Variants in TBC1D5 observed in about 807,000 individuals in gnomAD.
The protein encoded by TBC1D5 is TBC1 domain family, member 5.
In TBC1D5, 75 loss-of-function variants were observed where a neutral mutation model predicts 100.3. That is an observed-to-expected ratio of 0.75 (90% CI 0.62 to 0.91). TBC1D5 has a LOEUF of 0.91. Among genes scored for constraint, TBC1D5 ranks in the 40% least tolerant of loss-of-function variants. The probability of loss-of-function intolerance (pLI) is 0.00; values close to 1 mark genes in which losing one functional copy is unlikely to be tolerated. For missense variants in TBC1D5, 910 were observed against 942.4 expected (o/e 0.97, Z 0.45); for synonymous variants, 323 against 325.6 (o/e 0.99, Z 0.09).
intron 13 of TBC1D5, among the ~76,000 whole-genome samples, chr3:17,311,433 C>T (rs2084019778): frequency 6.6e-6 from 1 of 151,916 alleles, no homozygotes; most frequent in Admixed American, 6.6e-5. Context: ...AAAGACAGGA[C>T]AAGTCTCTAT....
In TBC1D5 at chr3:17,487,870, AAGTAC is replaced by A. The variant is rs1314246081; in HGVS notation, c.97+20599_97+20603del. Among the ~76,000 whole-genome samples the A allele has an allele frequency of 4.6e-5, 7 of 152,268 alleles. No individual in the cohort carries two copies. In the South Asian group the frequency reaches 1.0e-3, roughly 23 times the overall value. ...TTGAGCTTACAGAAAAACTGAACAA[AAGTAC>A]AGTAAAGAGAGTTCATACCTACTCT... On this transcript the variant is annotated intron_variant, in intron 3 of 21. Transcript: ENST00000253692.
intron 1 of TBC1D5, chr3:17,706,197 G>A (rs999920839): frequency 1.8e-4 from 279 of 1,552,776 alleles, no homozygotes; most frequent in Non-Finnish European, 2.2e-4. Context: ...CCTCTTCTCC[G>A]GCATCGCGGC....
chr3:17,675,480 G>A (rs907352387), intron 1 of TBC1D5, among the ~76,000 whole-genome samples: 13 of 152,056 alleles, frequency 8.5e-5, no homozygotes, highest in African/African-American at 2.9e-4. Flanking sequence ...GAAAAGATAC[G>A]TTCCTAAAGT....
chr3:17,509,023 T>C (rs1228758178), intron 2 of TBC1D5, among the ~76,000 whole-genome samples: 3 of 152,170 alleles, frequency 2.0e-5, no homozygotes, highest in Non-Finnish European at 4.4e-5. Context: ...AATATTAGTG[T>C]TAACATTTCA....
intron 2 of TBC1D5, among the ~76,000 whole-genome samples, chr3:17,617,354 A>AT (rs1196719335): frequency 6.6e-6 from 1 of 152,130 alleles, no homozygotes; most frequent in Non-Finnish European, 1.5e-5. Context: ...TCTGACAATT[A>AT]TATGTCTTGG....
At chr3:17,620,623 T>C (rs1234034092) in intron 2 of TBC1D5, among the ~76,000 whole-genome samples, 1 of 152,198 alleles carries the variant, frequency 6.6e-6, no homozygotes, top group Non-Finnish European at 1.5e-5. Flanking sequence ...GTTATCTTTA[T>C]AAAAATAAGT....
At position 17,595,374 on chromosome 3, in the gene TBC1D5, T is replaced by C. The variant is rs547202459; in HGVS notation, c.-36+28475A>G. Among the ~76,000 whole-genome samples the C allele has an allele frequency of 2.0e-5, 3 of 152,310 alleles. No homozygotes were observed. In the East Asian group the frequency reaches 5.8e-4, roughly 29 times the overall value. ...CATTCTCTTCCCAAAGGAAAATCTCTTCACACATCCAATAACTTCCTAGTT... is the reference window on the plus strand; with the variant it reads ...CATTCTCTTCCCAAAGGAAAATCTCCTCACACATCCAATAACTTCCTAGTT... On this transcript the variant is annotated intron_variant, in intron 2 of 21. Transcript: ENST00000253692.
At chr3:17,492,323 T>C (rs1024781018) in intron 3 of TBC1D5, among the ~76,000 whole-genome samples, 1 of 152,204 alleles carries the variant, frequency 6.6e-6, no homozygotes, top group Non-Finnish European at 1.5e-5. Context: ...GCATTCATTC[T>C]GGTAGCTTTG....
intron 3 of TBC1D5, among the ~76,000 whole-genome samples, chr3:17,431,502 AAAAT>A (rs1255439597): frequency 1.3e-5 from 2 of 152,022 alleles, no homozygotes; most frequent in East Asian, 1.9e-4. Context: ...TGAATTATAT[AAAAT>A]AAATAACATA....
intron 2 of TBC1D5, among the ~76,000 whole-genome samples, chr3:17,527,324 G>A (rs970959087): frequency 2.0e-5 from 3 of 152,250 alleles, no homozygotes; most frequent in Admixed American, 6.5e-5. Context: ...AGCATGCTGC[G>A]AACAGCAAAT....
At chr3:17,302,459 C>T (rs2082950056) in intron 14 of TBC1D5, among the ~76,000 whole-genome samples, 2 of 151,974 alleles carry the variant, frequency 1.3e-5, no homozygotes, top group Admixed American at 1.3e-4. Context: ...GTTAGGACTT[C>T]AATATATCTT....
intron 16 of TBC1D5, among the ~76,000 whole-genome samples, chr3:17,241,018 G>C (rs186815769): frequency 3.3e-5 from 5 of 152,022 alleles, no homozygotes; most frequent in Non-Finnish European, 5.9e-5. Context: ...ACATTTTTTT[G>C]TGTGTTTTTA....
intron 1 of TBC1D5, among the ~76,000 whole-genome samples, chr3:17,737,574 A>T (rs993656465): frequency 6.6e-6 from 1 of 152,186 alleles, no homozygotes; most frequent in Non-Finnish European, 1.5e-5. Flanking sequence ...GGCTAACCTA[A>T]CATACTGTGA....
intron 3 of TBC1D5, among the ~76,000 whole-genome samples, chr3:17,435,550 A>G (rs1455565270): frequency 2.0e-5 from 3 of 152,230 alleles, no homozygotes; most frequent in East Asian, 1.9e-4. Flanking sequence ...GAGAACTCAC[A>G]TAATATCACA....
chr3:17,248,575 C>T (rs560379287), intron 16 of TBC1D5, among the ~76,000 whole-genome samples: 4 of 152,242 alleles, frequency 2.6e-5, no homozygotes, highest in East Asian at 3.9e-4. Flanking sequence ...CTATGAGCTG[C>T]AGAACAGATA....
chr3:17,651,514 G>A (rs2065558073), intron 1 of TBC1D5, among the ~76,000 whole-genome samples: 2 of 152,194 alleles, frequency 1.3e-5, no homozygotes, highest in Admixed American at 1.3e-4. Context: ...TTCAAGACCA[G>A]TCTGGCCAAC....
chr3:17,552,430 T>C (rs62248273), intron 2 of TBC1D5, among the ~76,000 whole-genome samples: 3,456 of 152,106 alleles, frequency 0.023, 51 homozygotes, highest in Middle Eastern at 0.054. Flanking sequence ...TGTATAGGAG[T>C]TGACTAGACC....
At chr3:17,693,746 G>T (rs747622706) in intron 1 of TBC1D5, among the ~76,000 whole-genome samples, 2 of 152,224 alleles carry the variant, frequency 1.3e-5, no homozygotes, top group Non-Finnish European at 2.9e-5. Flanking sequence ...CCAACACAGC[G>T]TTTGAGCTCT....
intron 19 of TBC1D5, among the ~76,000 whole-genome samples, chr3:17,175,576 T>C (rs781605977): frequency 1.3e-5 from 2 of 152,222 alleles, no homozygotes. Flanking sequence ...CCAGAATATG[T>C]ACTTCTAAAA....
Sources: allele counts gnomAD v4.1 joint callset (sites outside exome capture counted in the v4.1 genomes callset), GRCh38; gene constraint gnomAD v4.1.1; transcripts MANE v1.5; gene names NCBI Gene and HGNC (gene_info 2026-07-23, HGNC 2026-07-21).